Variants in SNX29 observed in about 807,000 individuals in gnomAD.
SNX29 encodes the protein sorting nexin 29.
SNX29 carries 78 observed loss-of-function variants against 102.1 expected under a neutral mutation model. That is an observed-to-expected ratio of 0.76 (90% CI 0.64 to 0.92). The LOEUF (loss-of-function observed/expected upper bound fraction) is 0.92, where lower values mean the gene tolerates loss of function less well. Among genes scored for constraint, SNX29 ranks in the 40% least tolerant of loss-of-function variants. SNX29 has a pLI of 0.00. For missense variants in SNX29, 1,280 were observed against 1,061.7 expected (o/e 1.21, Z -2.86); for synonymous variants, 580 against 414.5 (o/e 1.40, Z -4.85).
chr16:12,507,210 C>G (rs748434696), intron 19 of SNX29, among the ~76,000 whole-genome samples: 14 of 152,200 alleles, frequency 9.2e-5, no homozygotes, highest in Non-Finnish European at 1.8e-4. Context: ...CACAGAGGGT[C>G]TGACTCCTGG....
rs921560037 is a variant in SNX29, at chr16:12,077,890, C to T, written c.1320-943C>T. ...CCCGCCTCGGCCTCCCAAAGTATTG[C>T]GATTACAGGCATGAGCCACCACACC... On this transcript the variant is annotated intron_variant, in intron 10 of 20. Transcript: ENST00000566228. Among the ~76,000 whole-genome samples, 4 of 151,910 alleles carry T rather than the reference C, an allele frequency of 2.6e-5. No homozygotes were observed. The East Asian group carries it at 5.8e-4, about 22-fold the overall frequency.
chr16:12,553,581 G>A (rs1284119425), intron 20 of SNX29, among the ~76,000 whole-genome samples: 1 of 137,244 alleles, frequency 7.3e-6, no homozygotes, highest in Non-Finnish European at 1.6e-5. Flanking sequence ...CTCTGAGGAT[G>A]CTTTGTTCCC....
intron 18 of SNX29, among the ~76,000 whole-genome samples, chr16:12,455,769 G>T (rs377582575): frequency 6.6e-6 from 1 of 152,232 alleles, no homozygotes; most frequent in East Asian, 1.9e-4. Context: ...CTCACTGCCA[G>T]ATGCTTATAA....
intron 18 of SNX29, among the ~76,000 whole-genome samples, chr16:12,454,140 C>T (rs7193137): frequency 0.27 from 41,779 of 152,006 alleles, 5,804 homozygotes; most frequent in South Asian, 0.35. Flanking sequence ...ACCTCATCTG[C>T]GTGGTACATG....
intron 20 of SNX29, among the ~76,000 whole-genome samples, chr16:12,547,279 C>G (rs60250633): frequency 6.6e-6 from 1 of 152,164 alleles, no homozygotes; most frequent in African/African-American, 2.4e-5. Context: ...GAAGAGTTGG[C>G]CCCTGGGAGA....
chr16:12,374,934 T>G (rs1055158183), intron 16 of SNX29: 9 of 152,196 alleles, frequency 5.9e-5, no homozygotes, highest in Admixed American at 5.9e-4. Context: ...TGATACATAC[T>G]TTCCTTTTTA....
chr16:11,978,063 A>G lies in SNX29; in HGVS notation c.7+1250A>G, dbSNP rs1010770779. Among the ~76,000 whole-genome samples, 4 of 151,170 alleles carry G rather than the reference A, an allele frequency of 2.6e-5. No homozygotes were observed. In the South Asian group the frequency reaches 8.4e-4, roughly 32 times the overall value. ...TTAACTTTTAAAGTTATCTCTGTGG[A>G]CCTTTTTTGTTGGTTGGTTGTTTAA... On this transcript the variant is annotated intron_variant, in intron 1 of 20. Coordinates refer to ENST00000566228, the MANE Select transcript of SNX29 (RefSeq NM_032167.5).
chr16:12,168,502 T>G (rs1430743379), intron 13 of SNX29, among the ~76,000 whole-genome samples: 2 of 152,128 alleles, frequency 1.3e-5, no homozygotes, highest in Non-Finnish European at 2.9e-5. Flanking sequence ...TGCTCCTAGG[T>G]CCCCACCTCG....
chr16:12,371,168 C>A (rs1034439389), intron 16 of SNX29, among the ~76,000 whole-genome samples: 2 of 152,206 alleles, frequency 1.3e-5, no homozygotes, highest in Non-Finnish European at 2.9e-5. Context: ...GCCAGCCAGG[C>A]GTTGGGGATC....
rs189563162 is a variant in SNX29, at chr16:12,184,781, A to G, written c.1596-14820A>G. Among the ~76,000 whole-genome samples the G allele has an allele frequency of 3.7e-3, 558 of 152,366 alleles. 1 individual carries two copies. Among genetic ancestry groups the G allele is most frequent in the Non-Finnish European group, 5.8e-3 (397 of 68,044 alleles). On this transcript the variant is annotated intron_variant, in intron 13 of 20. Coordinates refer to ENST00000566228, the MANE Select transcript of SNX29 (RefSeq NM_032167.5). ...CCCAAGGCATGGGCTGGAATGGAAC[A>G]TAGCAGAAACATGTTTTACTCAAGC...
intron 3 of SNX29, among the ~76,000 whole-genome samples, chr16:12,025,122 T>G (rs546943579): frequency 6.6e-6 from 1 of 151,928 alleles, no homozygotes; most frequent in East Asian, 1.9e-4. Flanking sequence ...GCCGACATGG[T>G]GAAACCCCAT....
intron 16 of SNX29, among the ~76,000 whole-genome samples, chr16:12,378,285 G>C (rs1327855011): frequency 2.6e-5 from 4 of 152,154 alleles, no homozygotes; most frequent in Admixed American, 1.3e-4. Flanking sequence ...TATGTGCAGA[G>C]ATCACATCGA....
chr16:12,075,914 C>G (rs950125308), intron 10 of SNX29, among the ~76,000 whole-genome samples: 1 of 152,214 alleles, frequency 6.6e-6, no homozygotes, highest in African/African-American at 2.4e-5. Context: ...GCAGTTTGAT[C>G]TCAGACTGCT....
At chr16:12,141,879 C>A (rs1335681685) in intron 13 of SNX29, among the ~76,000 whole-genome samples, 2 of 152,130 alleles carry the variant, frequency 1.3e-5, no homozygotes, top group Admixed American at 1.3e-4. Context: ...TCCTGACCTC[C>A]CATCTCATCC....
chr16:12,470,937 T>G (rs1487158777), intron 18 of SNX29, among the ~76,000 whole-genome samples: 2 of 152,184 alleles, frequency 1.3e-5, no homozygotes, highest in African/African-American at 4.8e-5. Context: ...TTGGCCTGCC[T>G]TACAGATGAA....
At chr16:12,568,268 TCA>T (rs1017767541) in intron 20 of SNX29, among the ~76,000 whole-genome samples, 18 of 145,564 alleles carry the variant, frequency 1.2e-4, no homozygotes, top group Non-Finnish European at 1.5e-5. Flanking sequence ...TAGCTCAGAC[TCA>T]CAGCCAAGCT....
rs546411783 is a variant in SNX29, at chr16:12,446,658, T to G, written c.2038-31061T>G. ...GATTCCTTGCAGAGTTTCATGGCAG[T>G]GGAGCTCCTGTTGACTTTCCTCTGT... On this transcript the variant is annotated intron_variant, in intron 18 of 20. Transcript: ENST00000566228. Among the ~76,000 whole-genome samples, 218 of 152,282 alleles carry G rather than the reference T, an allele frequency of 1.4e-3. 1 individual carries two copies. Among genetic ancestry groups the G allele is most frequent in the African/African-American group, 5.0e-3 (208 of 41,558 alleles).
In SNX29 at chr16:12,572,738, G is replaced by T. The variant is rs1421990988; in HGVS notation, c.*4109G>T. The T allele has an allele frequency of 2.8e-6, 3 of 1,064,166 alleles. No individual in the cohort carries two copies. The highest frequency in any genetic ancestry group is 3.4e-6 in the Non-Finnish European group (3 of 878,564). 65.9% of individuals were successfully genotyped at this position (1,064,166 alleles called of 1,614,324 possible). ...TGGCACAGAACTGATGGCAAAGGAA[G>T]GGCTGGGTTTTCAGCTTCTGGGACC... On this transcript the variant is annotated 3_prime_UTR_variant, in exon 21 of 21. Transcript: ENST00000566228.
chr16:12,499,708 C>T (rs547719263), intron 19 of SNX29, among the ~76,000 whole-genome samples: 5 of 152,336 alleles, frequency 3.3e-5, no homozygotes, highest in Admixed American at 6.5e-5. Context: ...GGATCTCACT[C>T]TGTCGCCCAG....
Sources: allele counts gnomAD v4.1 joint callset (sites outside exome capture counted in the v4.1 genomes callset), GRCh38; gene constraint gnomAD v4.1.1; transcripts MANE v1.5; gene names NCBI Gene and HGNC (gene_info 2026-07-23, HGNC 2026-07-21).